Variants in CNTN4 observed in about 807,000 individuals in gnomAD.
CNTN4 encodes the protein contactin 4.
CNTN4 carries 77 observed loss-of-function variants against 122.5 expected under a neutral mutation model. That is an observed-to-expected ratio of 0.63 (90% CI 0.52 to 0.76). CNTN4 has a LOEUF of 0.76. Among genes scored for constraint, CNTN4 ranks in the 30% least tolerant of loss-of-function variants. CNTN4 has a pLI of 0.00. For synonymous variants in CNTN4, 512 were observed against 447.0 expected (o/e 1.15, Z -1.83); for missense variants, 1,256 against 1,259.1 (o/e 1.00, Z 0.04).
intron 4 of CNTN4, among the ~76,000 whole-genome samples, chr3:2,605,147 G>C (rs1600357): frequency 5.9e-5 from 9 of 152,272 alleles, no homozygotes; most frequent in African/African-American, 1.7e-4. Context: ...TAGGACTCCA[G>C]GCATGCACAC....
At chr3:2,797,920 A>AT (rs10684232) in intron 6 of CNTN4, among the ~76,000 whole-genome samples, 18,647 of 137,742 alleles carry the variant, frequency 0.14, 1,584 homozygotes, top group East Asian at 0.28. Flanking sequence ...CACACTGAGT[A>AT]TTTTTTTTTT....
At chr3:2,146,486 CATAT>C (rs1357986940) in intron 2 of CNTN4, among the ~76,000 whole-genome samples, 6 of 151,996 alleles carry the variant, frequency 3.9e-5, no homozygotes, top group Non-Finnish European at 5.9e-5. Flanking sequence ...TAAATGCACA[CATAT>C]AAACACATAT....
chr3:2,185,602 A>G (rs1358681630), intron 2 of CNTN4, among the ~76,000 whole-genome samples: 1 of 152,140 alleles, frequency 6.6e-6, no homozygotes, highest in Non-Finnish European at 1.5e-5. Flanking sequence ...TTTCTGGGTC[A>G]GTGGGCACTT....
rs142089620 is a variant in CNTN4, at chr3:2,715,176, C to A, written c.56-21039C>A. On this transcript the variant is annotated intron_variant, in intron 4 of 24. Transcript: ENST00000418658. Reference sequence around the variant, plus strand: ...GAATCAATAATTCGCTTTATGTACCCAGTAGAAAACTGTATGTTTCTAAAA... The same window carrying A: ...GAATCAATAATTCGCTTTATGTACCAAGTAGAAAACTGTATGTTTCTAAAA... Among the ~76,000 whole-genome samples the A allele has an allele frequency of 5.2e-3, 785 of 152,120 alleles. 5 individuals are homozygous for A. The highest frequency in any genetic ancestry group is 0.017 in the African/African-American group (703 of 41,462).
chr3:2,237,597 G>A (rs969540902), intron 2 of CNTN4, among the ~76,000 whole-genome samples: 1 of 152,162 alleles, frequency 6.6e-6, no homozygotes, highest in Non-Finnish European at 1.5e-5. Context: ...CTTTATAATT[G>A]TTGTGCACCT....
chr3:2,344,340 A>G (rs959748639), intron 3 of CNTN4, among the ~76,000 whole-genome samples: 7 of 147,942 alleles, frequency 4.7e-5, no homozygotes, highest in Non-Finnish European at 8.9e-5. Flanking sequence ...CAGTGGTGTG[A>G]TCTCGGCTCA....
chr3:2,421,718 A>G (rs1575594952), intron 3 of CNTN4, among the ~76,000 whole-genome samples: 1 of 152,208 alleles, frequency 6.6e-6, no homozygotes, highest in African/African-American at 2.4e-5. Context: ...AATAGGGCAA[A>G]CACCAAGACC....
intron 3 of CNTN4, among the ~76,000 whole-genome samples, chr3:2,518,909 CA>C (rs1398815608): frequency 6.6e-6 from 1 of 151,966 alleles, no homozygotes; most frequent in Non-Finnish European, 1.5e-5. Context: ...AATGAAGACC[CA>C]AAGAAGTGGC....
intron 4 of CNTN4, among the ~76,000 whole-genome samples, chr3:2,651,583 G>A (rs2083360464): frequency 6.6e-6 from 1 of 152,122 alleles, no homozygotes; most frequent in East Asian, 1.9e-4. Flanking sequence ...AGGCACGGTG[G>A]CTCATACCTG....
intron 6 of CNTN4, among the ~76,000 whole-genome samples, chr3:2,757,322 T>A (rs2090382576): frequency 6.6e-6 from 1 of 152,158 alleles, no homozygotes; most frequent in South Asian, 2.1e-4. Flanking sequence ...GAATTGGCCC[T>A]TTCTCCATAG....
chr3:2,658,490 A>C (rs1186283127), intron 4 of CNTN4, among the ~76,000 whole-genome samples: 1 of 152,194 alleles, frequency 6.6e-6, no homozygotes, highest in African/African-American at 2.4e-5. Flanking sequence ...AAAGTAAAGC[A>C]CACAGAGGTA....
At chr3:2,498,171 A>T (rs899410962) in intron 3 of CNTN4, among the ~76,000 whole-genome samples, 3 of 152,188 alleles carry the variant, frequency 2.0e-5, no homozygotes, top group African/African-American at 7.2e-5. Flanking sequence ...AATATATATG[A>T]GGAATATATA....
chr3:2,607,901 C>T (rs564578230), intron 4 of CNTN4, among the ~76,000 whole-genome samples: 31 of 152,158 alleles, frequency 2.0e-4, no homozygotes, highest in South Asian at 4.2e-4. Flanking sequence ...ATAATAAAAA[C>T]GTGTCTTTTA....
At chr3:2,356,892 A>T (rs1451045926) in intron 3 of CNTN4, among the ~76,000 whole-genome samples, 1 of 152,232 alleles carries the variant, frequency 6.6e-6, no homozygotes, top group Non-Finnish European at 1.5e-5. Context: ...TTCTTAACTA[A>T]GAATAAATTT....
intron 2 of CNTN4, among the ~76,000 whole-genome samples, chr3:2,171,297 A>C (rs188218807): frequency 6.6e-6 from 1 of 152,312 alleles, no homozygotes; most frequent in Admixed American, 6.5e-5. Context: ...TGGACCTGGA[A>C]AAATGCCATT....
At chr3:2,787,363 G>A (rs1042999356) in intron 6 of CNTN4, among the ~76,000 whole-genome samples, 6 of 152,084 alleles carry the variant, frequency 3.9e-5, no homozygotes, top group African/African-American at 1.4e-4. Flanking sequence ...GCAGCAGAGC[G>A]AGACTCCGCC....
At chr3:2,517,320 A>G (rs1356510488) in intron 3 of CNTN4, among the ~76,000 whole-genome samples, 1 of 152,082 alleles carries the variant, frequency 6.6e-6, no homozygotes, top group Non-Finnish European at 1.5e-5. Context: ...ATAAATATGT[A>G]TTTATGGAAA....
At chr3:2,697,744 C>A (rs1194104531) in intron 4 of CNTN4, among the ~76,000 whole-genome samples, 1 of 152,100 alleles carries the variant, frequency 6.6e-6, no homozygotes, top group Non-Finnish European at 1.5e-5. Flanking sequence ...TTTTAAGGAA[C>A]TGGCTCATGC....
chr3:2,804,106 A>T (rs1195372906), intron 6 of CNTN4, among the ~76,000 whole-genome samples: 1 of 139,328 alleles, frequency 7.2e-6, no homozygotes, highest in Non-Finnish European at 1.6e-5. Flanking sequence ...CACGTATGAT[A>T]AAAACCATAA....
Sources: gnomAD v4.1 joint callset for allele counts (sites outside exome capture counted in the v4.1 genomes callset) on GRCh38, gnomAD v4.1.1 for gene constraint, MANE v1.5 for transcripts, NCBI Gene and HGNC (gene_info 2026-07-23, HGNC 2026-07-21) for gene names.